Variants in HMCN2 observed in about 807,000 individuals in gnomAD.
HMCN2 encodes hemicentin-2.
HMCN2 carries 325 observed loss-of-function variants against 377.5 expected under a neutral mutation model. That is an observed-to-expected ratio of 0.86 (90% confidence interval 0.79 to 0.94). The LOEUF is 0.94. HMCN2 is among the 40% of genes least tolerant of loss of function. The pLI is 0.00. For missense variants in HMCN2, 4,543 were observed against 4,725.3 expected (o/e 0.96, Z 1.13); for synonymous variants, 2,007 against 2,046.8 (o/e 0.98, Z 0.53).
intron 21 of HMCN2, among the ~76,000 whole-genome samples, chr9:130,326,544 T>G (rs1219235504): frequency 6.6e-6 from 1 of 151,976 alleles, no homozygotes; most frequent in Non-Finnish European, 1.5e-5. Context: ...AGCCAGGCTT[T>G]TTCTCTCATA....
At chr9:130,431,543 G>A (rs1844761201) in intron 96 of HMCN2, 57 bp downstream of exon 96, 5 of 1,528,930 alleles carry the variant, frequency 3.3e-6, no homozygotes, top group Non-Finnish European at 4.4e-6. Context: ...AGGCAGCGTG[G>A]GATGGGACAT....
At chr9:130,386,927 G>A (rs775274208) in intron 61 of HMCN2, among the ~76,000 whole-genome samples, 1 of 152,242 alleles carries the variant, frequency 6.6e-6, no homozygotes, top group Non-Finnish European at 1.5e-5. Flanking sequence ...TTTACCTTCA[G>A]TGAATGAGTC....
chr9:130,374,718 A>G (rs765945327), intron 49 of HMCN2, 25 bp downstream of exon 49: 9 of 983,874 alleles, frequency 9.1e-6, no homozygotes, highest in Non-Finnish European at 1.1e-5. Context: ...TCTCCTGGCC[A>G]CCGCGGGTGC....
At chr9:130,342,056 T>TAAATAAATAAATAA in intron 24 of HMCN2, among the ~76,000 whole-genome samples, 1 of 148,110 alleles carries the variant, frequency 6.8e-6, no homozygotes, top group Non-Finnish European at 1.5e-5. Context: ...AATAAATAAA[T>TAAATAAATAAATAA]AAATAAAAGC....
chr9:130,365,456 C>T (rs1414400718), intron 41 of HMCN2, among the ~76,000 whole-genome samples, 175 bp from the exon 42 acceptor site: 1 of 152,246 alleles, frequency 6.6e-6, no homozygotes. Context: ...CAGGCACGTG[C>T]TTCTGGAAAC....
chr9:130,278,317 G>T (rs1834910238), intron 1 of HMCN2, among the ~76,000 whole-genome samples: 1 of 151,948 alleles, frequency 6.6e-6, no homozygotes, highest in Non-Finnish European at 1.5e-5. Context: ...GTAGAGACGG[G>T]GTTTCACCGT....
chr9:130,366,108 T>G, intron 43 of HMCN2, 113 bp downstream of exon 43: 1 of 789,188 alleles, frequency 1.3e-6, no homozygotes, highest in Non-Finnish European at 1.5e-6. Context: ...GGGGGTCTTA[T>G]ACCTCGAGGG....
In HMCN2 at chr9:130,303,105, C is replaced by G; in HGVS notation, c.1421+104C>G. 1 of 344,278 alleles carries G rather than the reference C, an allele frequency of 2.9e-6. No homozygotes were observed. Among genetic ancestry groups the G allele is most frequent in the Non-Finnish European group, 6.0e-6 (1 of 165,386 alleles). The allele number at this position is 344,278 out of a possible 1,614,324, so 21.3% of individuals were successfully genotyped here. A position where few individuals can be genotyped will look rare whatever the true frequency, so the allele number is the denominator to read the frequency against. On this transcript the variant is annotated intron_variant, in intron 9 of 97. Coordinates refer to ENST00000683500, the MANE Select transcript of HMCN2 (RefSeq NM_001291815.2). This position sits in a 1 kb window ranked among gnomAD's most constrained non-coding sequence, Gnocchi z 5.2. ...TGGGTGGCAGGAGAGAGACCTTGGT[C>G]TCTGTCATTATCCTCCTGGGCAGCC...
At position 130,269,023 on chromosome 9, in the gene HMCN2, G is replaced by T. The variant is rs550460420; in HGVS notation, c.259+2886G>T. The stretch of plus-strand genomic sequence containing the variant: ...TTGGTGGAAGAGGAACTTGAGAAAC[G>T]GGTTGTAGCTGTTTGTTCCAGCTCC... On this transcript the variant is annotated intron_variant, in intron 1 of 97. Transcript: ENST00000683500. Among the ~76,000 whole-genome samples, 42 of 148,576 alleles carry T rather than the reference G, an allele frequency of 2.8e-4. 7 individuals carry two copies. The highest frequency in any genetic ancestry group is 5.9e-4 in the Non-Finnish European group (39 of 66,160).
intron 37 of HMCN2, 34 bp downstream of exon 37, chr9:130,359,448 C>T (rs1448964009): frequency 2.5e-6 from 3 of 1,184,738 alleles, no homozygotes; most frequent in East Asian, 1.2e-4. Flanking sequence ...AAGCTACTTC[C>T]AGCCCAATTT....
rs538500266 is a variant in HMCN2 at position 130,353,011 on chromosome 9, G to A, written c.4670G>A (p.Arg1557Gln). Residue 1557 changes from arginine to glutamine, a missense_variant, in exon 31 of 98, where the codon CGA (arginine) becomes CAA (glutamine). By Grantham distance (43) the Arg-to-Gln change is conservative (BLOSUM62 1). Coordinates refer to ENST00000683500, the MANE Select transcript of HMCN2 (RefSeq NM_001291815.2). The part of the protein sequence containing the change: ...DHLVQLLCEA[R>Q]GVPTPNITWF... ...CTAGTGCAGCTCCTGTGTGAGGCTC[G>A]AGGAGTGCCCACCCCAAACATCACC... 16 of 1,304,148 alleles carry A rather than the reference G, an allele frequency of 1.2e-5. No homozygotes were observed. The highest frequency in any genetic ancestry group is 6.9e-5 in the Admixed American group (3 of 43,550). 80.8% of individuals were successfully genotyped at this position (1,304,148 alleles called of 1,614,324 possible).
chr9:130,432,503 C>T lies in HMCN2; in HGVS notation c.14842C>T (p.Gln4948Ter). The T allele has an allele frequency of 6.4e-7, 1 of 1,550,696 alleles. No individual in the cohort carries two copies. Among genetic ancestry groups the T allele is most frequent in the South Asian group, 1.2e-5 (1 of 84,060 alleles). ...QMCFNTRGSY[Q>*]CVDTPCPATY... ...GTGCTTCAACACCCGTGGCAGCTAC[C>T]AGTGTGTGGACACACCCTGTCCTGC... Residue 4948 changes from glutamine (Q) to a stop codon, truncating the protein, a stop_gained, in exon 97 of 98, where the codon CAG becomes TAG. Transcript: ENST00000683500. LOFTEE classifies it high-confidence loss of function.
At chr9:130,289,017 C>T (rs1835578512) in intron 4 of HMCN2, among the ~76,000 whole-genome samples, 2 of 152,230 alleles carry the variant, frequency 1.3e-5, no homozygotes, top group Admixed American at 1.3e-4. Context: ...CCCCCAAGTT[C>T]CCTGGCAGAC....
At position 130,428,827 on chromosome 9, in the gene HMCN2, G is replaced by A. The variant is rs887149388; in HGVS notation, c.14197+338G>A. On this transcript the variant is annotated intron_variant, in intron 93 of 97. Coordinates refer to ENST00000683500, the MANE Select transcript of HMCN2 (RefSeq NM_001291815.2). The surrounding 1 kb of genome is among the most constrained non-coding windows in gnomAD (Gnocchi z 5.0). ...CGTTCTGTTCCCCCATATGAATCAA[G>A]GCCCAGCTAGAGACCACCTCTGAAT... 6.6e-6 allele frequency among the ~76,000 whole-genome samples: 1 copy of A among 152,184 alleles called. No homozygotes were observed. The highest frequency in any genetic ancestry group is 6.5e-5 in the Admixed American group (1 of 15,282).
Position 130,369,149 on chromosome 9 carries a change from C to A in HMCN2, c.6788-421C>A, listed in dbSNP as rs539944562. 6.6e-6 allele frequency among the ~76,000 whole-genome samples: 1 copy of A among 152,166 alleles called. No individual in the cohort carries two copies. The highest frequency in any genetic ancestry group is 1.5e-5 in the Non-Finnish European group (1 of 68,034). ...AAACCTAAAGCCCTATCTACTGGTC[C>A]TGCAGTGATGAAATGAAATCCCCCA... On this transcript the variant is annotated intron_variant, in intron 44 of 97. Coordinates refer to ENST00000683500, the MANE Select transcript of HMCN2 (RefSeq NM_001291815.2). The surrounding 1 kb of genome is among the most constrained non-coding windows in gnomAD (Gnocchi z 4.5).
At chr9:130,345,208 TTG>T (rs1839313513) in intron 25 of HMCN2, among the ~76,000 whole-genome samples, 1 of 145,248 alleles carries the variant, frequency 6.9e-6, no homozygotes, top group Non-Finnish European at 1.5e-5. Context: ...GTGGTATGTA[TTG>T]TGTGTGGTGT....
intron 95 of HMCN2, chr9:130,431,148 C>G (rs1192941648): frequency 1.7e-6 from 1 of 591,760 alleles, no homozygotes; most frequent in African/African-American, 1.9e-5. Flanking sequence ...TCCTTCTATG[C>G]CTTGGTGAGC....
rs535664743 is a variant in HMCN2, at chr9:130,388,534, C to A, written c.9517C>A (p.Pro3173Thr). Residue 3173 changes from proline to threonine, a missense_variant, in exon 62 of 98, where the codon CCT (proline) becomes ACT (threonine). Physicochemically the swap from Pro to Thr is conservative, Grantham distance 38. This residue lies in a region of HMCN2 where 736 missense variants were observed against 773.2 expected (regional missense o/e 0.95). Coordinates refer to ENST00000683500, the MANE Select transcript of HMCN2 (RefSeq NM_001291815.2). Reference sequence around the variant, plus strand: ...GGTCACTTGGCTGAAGGACAGGATGCCTGTGGGTGAGCACATCTGTCCTTG... The same window carrying A: ...GGTCACTTGGCTGAAGGACAGGATGACTGTGGGTGAGCACATCTGTCCTTG... ...PTVTWLKDRM[P>T]VESSAVHGVV... The A allele has an allele frequency of 1.1e-5, 11 of 987,978 alleles. No individual in the cohort carries two copies. The South Asian group carries it at 4.2e-4, about 38-fold the overall frequency. The allele number at this position is 987,978 out of a possible 1,614,324, so 61.2% of individuals were successfully genotyped here.
intron 97 of HMCN2, chr9:130,433,110 T>G (rs1844862017): frequency 2.2e-6 from 1 of 462,040 alleles, no homozygotes; most frequent in East Asian, 3.6e-5. Flanking sequence ...ATCCCGAAAG[T>G]CCGCTGGAGG....
Sources: gnomAD v4.1 joint callset for allele counts (sites outside exome capture counted in the v4.1 genomes callset) on GRCh38, gnomAD v4.1.1 for gene constraint, gnomAD v4.1.1 regional missense constraint, Gnocchi (gnomAD v3.1) non-coding constraint, MANE v1.5 for transcripts, NCBI Gene and HGNC (gene_info 2026-07-23, HGNC 2026-07-21) for gene names.